Variants in TOP1 observed in about 807,000 individuals in gnomAD.
The protein encoded by TOP1 is DNA topoisomerase 1.
TOP1 carries 10 observed loss-of-function variants against 111.1 expected under a neutral mutation model. That is an observed-to-expected ratio of 0.09 (90% CI 0.06 to 0.15). TOP1 has a LOEUF of 0.15. Among genes scored for constraint, TOP1 ranks in the 10% least tolerant of loss-of-function variants. The pLI is 1.00. For synonymous variants in TOP1, 271 were observed against 302.9 expected (o/e 0.89, Z 1.10); for missense variants, 474 against 926.7 (o/e 0.51, Z 6.34).
At chr20:41,077,167 A>G (rs999566687) in intron 4 of TOP1, among the ~76,000 whole-genome samples, 1 of 152,122 alleles carries the variant, frequency 6.6e-6, no homozygotes, top group African/African-American at 2.4e-5. Flanking sequence ...CAGTCCTCCA[A>G]CCTCATCTTC....
In TOP1 at chr20:41,058,440, A is replaced by C. The variant is rs998871575; in HGVS notation, c.59-2954A>C. ...AGGGCTGCAGTCATTTGAAAACTTA[A>C]TTTAGGCTAGAAGGTCCACTTCCAG... On this transcript the variant is annotated intron_variant, in intron 2 of 20. Transcript: ENST00000361337. This position sits in a 1 kb window ranked among gnomAD's most constrained non-coding sequence, Gnocchi z 4.2. Among the ~76,000 whole-genome samples the C allele has an allele frequency of 1.3e-5, 2 of 152,172 alleles. No homozygotes were observed. The highest frequency in any genetic ancestry group is 2.9e-5 in the Non-Finnish European group (2 of 68,022).
In TOP1 at chr20:41,092,517, A is replaced by G. The variant is rs774669985; in HGVS notation, c.660A>G (p.Leu220=). ...CTGAAGGCATCAAGTGGAAATTCCT[A>G]GAACATAAAGGTCCAGTATTTGCCC... The part of the protein sequence containing the change: ...RYPEGIKWKF[L]EHKGPVFAPP... The change falls in exon 9 of 21, where the codon CTA becomes CTG. Residue 220 remains leucine (L), a synonymous_variant. Transcript: ENST00000361337. The surrounding 1 kb of genome is among the most constrained non-coding windows in gnomAD (Gnocchi z 4.3). The G allele has an allele frequency of 6.2e-7, 1 of 1,606,764 alleles. No individual in the cohort carries two copies. Among genetic ancestry groups the G allele is most frequent in the East Asian group, 2.2e-5 (1 of 44,732 alleles).
intron 2 of TOP1, among the ~76,000 whole-genome samples, chr20:41,052,143 T>C (rs2033413327): frequency 6.6e-6 from 1 of 152,212 alleles, no homozygotes; most frequent in South Asian, 2.1e-4. Flanking sequence ...TACCTTCTCA[T>C]AGATCTAGTA....
At chr20:41,039,532 T>C (rs2033233639) in intron 2 of TOP1, among the ~76,000 whole-genome samples, 1 of 152,134 alleles carries the variant, frequency 6.6e-6, no homozygotes, top group Admixed American at 6.5e-5. Flanking sequence ...TTGCCTGAAA[T>C]AGGCAAAAAG....
At chr20:41,086,069 C>T (rs1221754682) in intron 8 of TOP1, among the ~76,000 whole-genome samples, 1 of 152,120 alleles carries the variant, frequency 6.6e-6, no homozygotes, top group Non-Finnish European at 1.5e-5. Flanking sequence ...TCGAGACCAA[C>T]CTGGCCAACA....
At position 41,101,978 on chromosome 20, in the gene TOP1, C is replaced by T. The variant is rs2034070261; in HGVS notation, c.1308+625C>T. Among the ~76,000 whole-genome samples the T allele has an allele frequency of 6.6e-6, 1 of 152,178 alleles. No individual in the cohort carries two copies. The highest frequency in any genetic ancestry group is 6.5e-5 in the Admixed American group (1 of 15,280). Reference sequence around the variant, plus strand: ...TTGGGGGAAATCAGTTTTTGTTTGCCAGATAGCTATGTATATCTAGCTTTG... The same window carrying T: ...TTGGGGGAAATCAGTTTTTGTTTGCTAGATAGCTATGTATATCTAGCTTTG... On this transcript the variant is annotated intron_variant, in intron 13 of 20. Transcript: ENST00000361337. The surrounding 1 kb of genome is among the most constrained non-coding windows in gnomAD (Gnocchi z 4.1).
Position 41,029,720 on chromosome 20 carries a change from G to A in TOP1, c.58+265G>A. 1.8e-6 allele frequency: 1 copy of A among 550,312 alleles called. No homozygotes were observed. The highest frequency in any genetic ancestry group is 3.3e-6 in the Non-Finnish European group (1 of 303,568). The allele number at this position is 550,312 out of a possible 1,614,324, so 34.1% of individuals were successfully genotyped here. A position where few individuals can be genotyped will look rare whatever the true frequency, so the allele number is the denominator to read the frequency against. On this transcript the variant is annotated intron_variant, in intron 2 of 20. Coordinates refer to ENST00000361337, the MANE Select transcript of TOP1 (RefSeq NM_003286.4). This position sits in a 1 kb window ranked among gnomAD's most constrained non-coding sequence, Gnocchi z 6.1. ...GGGCCTCGGGCGGTCTTTCCGGGCC[G>A]GGATTCCTCCCGGGAAAGTCGCCTT... is the stretch of plus-strand genomic sequence containing the variant.
At chr20:41,039,755 A>G (rs2033237019) in intron 2 of TOP1, among the ~76,000 whole-genome samples, 1 of 152,124 alleles carries the variant, frequency 6.6e-6, no homozygotes, top group Non-Finnish European at 1.5e-5. Flanking sequence ...AAAAATACAA[A>G]AAACTAGCCG....
In TOP1 at chr20:41,038,124, TC is replaced by T. The variant is rs540885375; in HGVS notation, c.58+8670del. Among the ~76,000 whole-genome samples the T allele has an allele frequency of 9.4e-4, 143 of 152,304 alleles. 1 individual carries two copies. Among genetic ancestry groups the T allele is most frequent in the African/African-American group, 3.1e-3 (130 of 41,554 alleles). On this transcript the variant is annotated intron_variant, in intron 2 of 20. Coordinates refer to ENST00000361337, the MANE Select transcript of TOP1 (RefSeq NM_003286.4). ...TTCAAAGCTTTGGTCTCTTTTTCTT[TC>T]GTTTTCCTCTGATACAGAATGCGAA...
At chr20:41,087,878 A>G (rs1473368447) in intron 8 of TOP1, among the ~76,000 whole-genome samples, 2 of 152,054 alleles carry the variant, frequency 1.3e-5, no homozygotes, top group Non-Finnish European at 2.9e-5. Context: ...TGATTATTCA[A>G]GTCAAGCTGC....
rs2033073499 is a variant in TOP1, at chr20:41,028,849, C to G, written c.-219C>G. The G allele has an allele frequency of 3.7e-6, 2 of 542,278 alleles. No individual in the cohort carries two copies. The highest frequency in any genetic ancestry group is 3.2e-6 in the Non-Finnish European group (1 of 308,514). 33.6% of individuals were successfully genotyped at this position (542,278 alleles called of 1,614,324 possible). A position where few individuals can be genotyped will look rare whatever the true frequency, so the allele number is the denominator to read the frequency against. On this transcript the variant is annotated 5_prime_UTR_variant, in exon 1 of 21. Transcript: ENST00000361337. ...AATGCGAACTTAGGCTGTTACACAACTGCTGGGGTCTGTTCTCGCCGCCCG... is the reference window on the plus strand; with the variant it reads ...AATGCGAACTTAGGCTGTTACACAAGTGCTGGGGTCTGTTCTCGCCGCCCG...
At position 41,039,955 on chromosome 20, in the gene TOP1, CGG is replaced by C. The variant is rs551124651; in HGVS notation, c.58+10501_58+10502del. Among the ~76,000 whole-genome samples the C allele has an allele frequency of 1.2e-3, 190 of 152,152 alleles. 2 individuals carry two copies. Among genetic ancestry groups the C allele is most frequent in the South Asian group, 0.012 (57 of 4,810 alleles). On this transcript the variant is annotated intron_variant, in intron 2 of 20. Coordinates refer to ENST00000361337, the MANE Select transcript of TOP1 (RefSeq NM_003286.4). ...CACATTTCCTGAGCAGGTAGGTTGT[CGG>C]AATGGCTAGAGATGGTCACATTCTG...
At chr20:41,091,067 T>C (rs2033914413) in intron 8 of TOP1, among the ~76,000 whole-genome samples, 1 of 152,220 alleles carries the variant, frequency 6.6e-6, no homozygotes, top group Admixed American at 6.5e-5. Context: ...TTGTAAATCA[T>C]TTGACCATAT....
At chr20:41,040,764 C>G (rs989861570) in intron 2 of TOP1, among the ~76,000 whole-genome samples, 3 of 146,456 alleles carry the variant, frequency 2.0e-5, no homozygotes, top group African/African-American at 7.7e-5. Context: ...CGAGATGGCA[C>G]CACTGCACTT....
Position 41,065,122 on chromosome 20 carries a change from C to G in TOP1, c.155+3632C>G, listed in dbSNP as rs368570243. On this transcript the variant is annotated intron_variant, in intron 3 of 20. Coordinates refer to ENST00000361337, the MANE Select transcript of TOP1 (RefSeq NM_003286.4). ...GTTTCACCATGTTGACTAGGCTGGT[C>G]TCAAACTCCTGACCTCAAGTGATCT... 1.5e-4 allele frequency among the ~76,000 whole-genome samples: 23 copies of G among 152,276 alleles called. 3 individuals carry two copies. The highest frequency in any genetic ancestry group is 5.1e-4 in the African/African-American group (21 of 41,560).
At chr20:41,036,650 T>G (rs2033189283) in intron 2 of TOP1, among the ~76,000 whole-genome samples, 1 of 151,342 alleles carries the variant, frequency 6.6e-6, no homozygotes, top group Admixed American at 6.6e-5. Context: ...TTTTAAATCT[T>G]CTTGACATTT....
chr20:41,084,463 A>T lies in TOP1; in HGVS notation c.509A>T (p.Asp170Val), dbSNP rs776740150. Residue 170 changes from aspartate (D) to valine (V), a missense_variant and splice_region_variant, in exon 8 of 21, where the codon GAT (aspartate) becomes GTT (valine). Physicochemically the swap from Asp to Val is radical, Grantham distance 152. Coordinates refer to ENST00000361337, the MANE Select transcript of TOP1 (RefSeq NM_003286.4). ...EKKRKLEEEE[D>V]GKLKKPKNKD... is the part of the protein sequence containing the mutation. ...CTTTCTCACCATGTTTCTTTGTAGGATGGTAAATTGAAAAAACCCAAGAAT... is the reference window on the plus strand; with the variant it reads ...CTTTCTCACCATGTTTCTTTGTAGGTTGGTAAATTGAAAAAACCCAAGAAT... The T allele has an allele frequency of 3.3e-6, 5 of 1,535,064 alleles. No individual in the cohort carries two copies. In the South Asian group the frequency reaches 6.1e-5, roughly 19 times the overall value.
At position 41,080,140 on chromosome 20, in the gene TOP1, G is replaced by A; in HGVS notation, c.391G>A (p.Glu131Lys). ...EDDGYFVPPK[E>K]DIKPLKRPRD... ...TGATGGCTATTTTGTTCCTCCTAAA[G>A]AGGATATAAAGCCATTAAAGAGACC... Residue 131 changes from glutamate (E) to lysine (K), a missense_variant, in exon 6 of 21, where the codon GAG becomes AAG. By Grantham distance (56) the Glu-to-Lys change is moderately conservative (BLOSUM62 1). This residue lies in a region of TOP1 where 185 missense variants were observed against 226.3 expected (regional missense o/e 0.82). Coordinates refer to ENST00000361337, the MANE Select transcript of TOP1 (RefSeq NM_003286.4). This position sits in a 1 kb window ranked among gnomAD's most constrained non-coding sequence, Gnocchi z 5.0. 1 of 1,611,542 alleles carries A rather than the reference G, an allele frequency of 6.2e-7. No individual in the cohort carries two copies. The highest frequency in any genetic ancestry group is 8.5e-7 in the Non-Finnish European group (1 of 1,178,996).
At chr20:41,043,789 G>A (rs1490002885) in intron 2 of TOP1, among the ~76,000 whole-genome samples, 3 of 152,192 alleles carry the variant, frequency 2.0e-5, no homozygotes, top group Non-Finnish European at 4.4e-5. Context: ...GGCATTAAGC[G>A]TTCCTTAATG....
Sources: allele counts gnomAD v4.1 joint callset (sites outside exome capture counted in the v4.1 genomes callset), GRCh38; gene constraint gnomAD v4.1.1; regional missense constraint gnomAD v4.1.1; non-coding constraint Gnocchi (gnomAD v3.1); transcripts MANE v1.5; gene names NCBI Gene and HGNC (gene_info 2026-07-23, HGNC 2026-07-21).